GYG2: variants seen among roughly 807,000 people sequenced by gnomAD.
The protein encoded by GYG2 is glycogenin-2.
A neutral mutation model predicts 29.4 loss-of-function variants in GYG2; 29 were observed. That is an observed-to-expected ratio of 0.99 (90% CI 0.74 to 1.35). The LOEUF is 1.35. GYG2 is among the 40% of genes most tolerant of loss of function. The probability of loss-of-function intolerance (pLI) is 0.00; values close to 1 mark genes in which losing one functional copy is unlikely to be tolerated. For missense variants in GYG2, 370 were observed against 385.7 expected (o/e 0.96, Z 0.34); for synonymous variants, 167 against 172.3 (o/e 0.97, Z 0.24).
intron 3 of GYG2, among the ~76,000 whole-genome samples, chrX:2,846,659 T>C (rs2087745163): frequency 9.0e-6 from 1 of 110,992 alleles, no homozygotes; most frequent in African/African-American, 3.3e-5. Flanking sequence ...ATGGGAGGAT[T>C]GTTTGAGCCC....
chrX:2,849,130 G>T (rs1485307172), intron 3 of GYG2, among the ~76,000 whole-genome samples: 1 of 111,550 alleles, frequency 9.0e-6, no homozygotes, highest in Non-Finnish European at 1.9e-5. Context: ...TTTATTTTAG[G>T]GAAATGAGCA....
intron 10 of GYG2, chrX:2,878,273 C>G (rs1292634138): frequency 2.1e-5 from 12 of 573,417 alleles, no homozygotes; most frequent in Non-Finnish European, 2.5e-5. Flanking sequence ...ATTACTTTTT[C>G]TTTTTAAAAA....
chrX:2,880,885 C>T (rs1030006462), intron 10 of GYG2, among the ~76,000 whole-genome samples, 167 bp from the exon 11 acceptor site: 2 of 111,943 alleles, frequency 1.8e-5, no homozygotes, highest in Admixed American at 9.5e-5. Context: ...CCAGCCTGGA[C>T]GACAGAGACC....
chrX:2,851,674 G>C (rs906403734), intron 3 of GYG2, among the ~76,000 whole-genome samples: 2 of 112,131 alleles, frequency 1.8e-5, no homozygotes, highest in Non-Finnish European at 3.8e-5. Context: ...TGTATGTCCT[G>C]ACCTGGTGAT....
At chrX:2,880,439 T>TGTGTGC (rs1555902174) in intron 10 of GYG2, among the ~76,000 whole-genome samples, 2 of 103,762 alleles carry the variant, frequency 1.9e-5, no homozygotes, top group East Asian at 6.3e-4. Flanking sequence ...TGTGTGTGTG[T>TGTGTGC]GCACATGCGC....
chrX:2,881,312 T>G lies in GYG2; in HGVS notation c.*99T>G. 1 of 707,380 alleles carries G rather than the reference T, an allele frequency of 1.4e-6. No individual in the cohort carries two copies. Among genetic ancestry groups the G allele is most frequent in the East Asian group, 3.6e-5 (1 of 27,609 alleles). The allele number at this position is 707,380 out of a possible 1,213,427, so 58.3% of individuals were successfully genotyped here. On this transcript the variant is annotated 3_prime_UTR_variant, in exon 11 of 11. Transcript: ENST00000398806. Reference sequence around the variant, plus strand: ...CTGGTCCTTTCAAAGGGAAACGCTGTTGAACCTTGTGCCTCTATTTATGCT... The same window carrying G: ...CTGGTCCTTTCAAAGGGAAACGCTGGTGAACCTTGTGCCTCTATTTATGCT...
chrX:2,860,415 G>C (rs1429927046), intron 7 of GYG2, among the ~76,000 whole-genome samples: 2 of 110,720 alleles, frequency 1.8e-5, no homozygotes, highest in Non-Finnish European at 3.8e-5. Context: ...ACCATCATTT[G>C]AGATAGCAGT....
rs908010134 is a variant in GYG2, at chrX:2,856,714, A to G, written c.614+90A>G. 7.6e-5 allele frequency: 52 copies of G among 687,478 alleles called. No individual in the cohort carries two copies. In the Middle Eastern group the frequency reaches 1.4e-3, roughly 18 times the overall value. 56.7% of individuals were successfully genotyped at this position (687,478 alleles called of 1,213,427 possible). A position where few individuals can be genotyped will look rare whatever the true frequency, so the allele number is the denominator to read the frequency against. ...AGACATACCAGCTGTCGGCATATTT[A>G]AAAACTCTATCTATCTATCTATCAT... On this transcript the variant is annotated intron_variant, in intron 6 of 10. Coordinates refer to ENST00000398806, the MANE Select transcript of GYG2 (RefSeq NM_001079855.2).
chrX:2,852,143 G>T (rs1341203204), intron 3 of GYG2, among the ~76,000 whole-genome samples: 1 of 111,444 alleles, frequency 9.0e-6, no homozygotes, highest in Non-Finnish European at 1.9e-5. Flanking sequence ...TGTAGTCCCA[G>T]TTACTTGGGA....
rs1364412727 is a variant in GYG2, at chrX:2,844,584, GTA to G, written c.149+1234_149+1235del. Among the ~76,000 whole-genome samples the G allele has an allele frequency of 8.7e-5, 6 of 68,675 alleles. 2 individuals carry two copies. Among genetic ancestry groups the G allele is most frequent in the Non-Finnish European group, 1.3e-4 (5 of 37,568 alleles). 59.6% of individuals were successfully genotyped at this position (68,675 alleles called of 115,157 possible). A position where few individuals can be genotyped will look rare whatever the true frequency, so the allele number is the denominator to read the frequency against. On this transcript the variant is annotated intron_variant, in intron 3 of 10. Transcript: ENST00000398806. ...TATATGTGTATACGCACACGCATGCGTATATGTGTATACGCACACGCATGCGT... is the reference window on the plus strand; with the variant it reads ...TATATGTGTATACGCACACGCATGCGTATGTGTATACGCACACGCATGCGT...
chrX:2,854,207 C>T, intron 4 of GYG2, 53 bp downstream of exon 4: 1 of 924,813 alleles, frequency 1.1e-6, no homozygotes, highest in South Asian at 2.3e-5. Context: ...ACATCTCTAT[C>T]CTTAAGCAGG....
rs781230416 is a variant in GYG2, at chrX:2,859,823, C to T, written c.615-20C>T. On this transcript the variant is annotated intron_variant, in intron 6 of 10. Transcript: ENST00000398806. ...ATCACATCTGAGTGGAAATCAGAAT[C>T]CCTTCTGTTTCCTTCTCAGATTCGG... 52 of 1,066,829 alleles carry T rather than the reference C, an allele frequency of 4.9e-5. 1 individual carries two copies. In the East Asian group the frequency reaches 1.6e-3, roughly 32 times the overall value. The allele number at this position is 1,066,829 out of a possible 1,213,427, so 87.9% of individuals were successfully genotyped here. A position where few individuals can be genotyped will look rare whatever the true frequency, so the allele number is the denominator to read the frequency against.
chrX:2,839,665 G>A (rs1036395065), intron 2 of GYG2, among the ~76,000 whole-genome samples: 5 of 111,034 alleles, frequency 4.5e-5, no homozygotes, highest in Non-Finnish European at 9.4e-5. Context: ...TCTCTTTTTG[G>A]GGTGATGAAA....
At position 2,830,129 on chromosome X, in the gene GYG2, C is replaced by G; in HGVS notation, c.-60C>G. 1 of 1,156,631 alleles carries G rather than the reference C, an allele frequency of 8.6e-7. No individual in the cohort carries two copies. Among genetic ancestry groups the G allele is most frequent in the East Asian group, 3.0e-5 (1 of 33,426 alleles). ...TGCGGGTTCGTGGCGAGGAAGTCCA[C>G]CCACTGCTCCCGGGCGCAGGTCTGC... is the stretch of plus-strand genomic sequence containing the variant. On this transcript the variant is annotated 5_prime_UTR_variant, in exon 2 of 11. Transcript: ENST00000398806.
chrX:2,862,858 A>T (rs2088202512), intron 8 of GYG2, among the ~76,000 whole-genome samples: 1 of 108,579 alleles, frequency 9.2e-6, no homozygotes, highest in Non-Finnish European at 1.9e-5. Flanking sequence ...CAGGAGTACG[A>T]GACCAGCCGG....
intron 10 of GYG2, chrX:2,877,887 C>G: frequency 2.7e-6 from 2 of 750,824 alleles, no homozygotes; most frequent in Non-Finnish European, 3.1e-6. Flanking sequence ...CAATACAGCT[C>G]TAGAGCTAGG....
chrX:2,846,595 G>A lies in GYG2; in HGVS notation c.149+3241G>A, dbSNP rs2087743905. ...CCTATCTCTACAAAAAATAAAAAGA[G>A]TTAGCCAGGTGTGGTGGTGCGCACC... On this transcript the variant is annotated intron_variant, in intron 3 of 10. Transcript: ENST00000398806. 2.7e-5 allele frequency among the ~76,000 whole-genome samples: 3 copies of A among 109,597 alleles called. No individual in the cohort carries two copies. In the Admixed American group the frequency reaches 3.0e-4, roughly 11 times the overall value.
At chrX:2,854,370 C>T (rs1394370461) in intron 4 of GYG2, among the ~76,000 whole-genome samples, 2 of 111,922 alleles carry the variant, frequency 1.8e-5, no homozygotes, top group African/African-American at 6.5e-5. Flanking sequence ...TACAGGCACC[C>T]GCCTTCATGC....
chrX:2,870,557 A>G, intron 8 of GYG2, among the ~76,000 whole-genome samples: 1 of 111,705 alleles, frequency 9.0e-6, no homozygotes, highest in South Asian at 3.8e-4. Flanking sequence ...TGACACAGTT[A>G]TCTGCATTTT....
Sources: allele counts gnomAD v4.1 joint callset (sites outside exome capture counted in the v4.1 genomes callset), GRCh38; gene constraint gnomAD v4.1.1; transcripts MANE v1.5; gene names NCBI Gene and HGNC (gene_info 2026-07-23, HGNC 2026-07-21).